LRRTM4: variants seen among roughly 807,000 people sequenced by gnomAD.
LRRTM4 encodes leucine rich repeat transmembrane neuronal 4, also known as leucine-rich repeat transmembrane neuronal protein 4.
LRRTM4 carries 25 observed loss-of-function variants against 47.6 expected under a neutral mutation model. The ratio of observed to expected loss-of-function variants is 0.53; its 90% CI spans 0.38 to 0.73. The LOEUF is 0.73. Ranked by LOEUF, LRRTM4 falls within the 30% of genes least tolerant of loss-of-function variation. The probability of loss-of-function intolerance (pLI) is 0.00; values close to 1 mark genes in which losing one functional copy is unlikely to be tolerated. For missense variants in LRRTM4, 638 were observed against 713.4 expected, an observed-to-expected ratio of 0.89 and a Z score of 1.20; for synonymous variants, 311 against 269.5, an observed-to-expected ratio of 1.15 and a Z score of -1.51.
At chr2:76,924,318 CTTT>C (rs1674522839) in intron 3 of LRRTM4, among the ~76,000 whole-genome samples, 1 of 152,024 alleles carries the variant, frequency 6.6e-6, no homozygotes, top group African/African-American at 2.4e-5. Flanking sequence ...CAACTCTTCT[CTTT>C]TTGTTCTTTA....
chr2:77,110,246 T>G (rs1227417252), intron 3 of LRRTM4, among the ~76,000 whole-genome samples: 1 of 152,200 alleles, frequency 6.6e-6, no homozygotes, highest in Non-Finnish European at 1.5e-5. Flanking sequence ...ACAACTGGAC[T>G]ATTTAAAATA....
rs367656429 is a variant in LRRTM4, at chr2:77,480,622, A to T, written c.1551+37696T>A. ...TGCTTACTCCACACTGCCACTATTA[A>T]TAAAGCAGGCATATTAAGCACTACC... On this transcript the variant is annotated intron_variant, in intron 3 of 3. Coordinates refer to ENST00000409884, the MANE Select transcript of LRRTM4 (RefSeq NM_001134745.3). Among the ~76,000 whole-genome samples the T allele has an allele frequency of 6.8e-4, 103 of 152,260 alleles. 3 individuals carry two copies. In the South Asian group the frequency reaches 0.02, roughly 29 times the overall value.
At chr2:77,447,006 C>T (rs1352354917) in intron 3 of LRRTM4, among the ~76,000 whole-genome samples, 1 of 71,262 alleles carries the variant, frequency 1.4e-5, no homozygotes, top group Non-Finnish European at 2.8e-5. Context: ...AAGGTGGAGG[C>T]AGTAGAAAAA....
Position 76,995,358 on chromosome 2 carries a change from T to C in LRRTM4, c.1552-246442A>G, listed in dbSNP as rs183387290. Among the ~76,000 whole-genome samples, 22 of 152,186 alleles carry C rather than the reference T, an allele frequency of 1.4e-4. No individual in the cohort carries two copies. The East Asian group carries it at 3.7e-3, about 25-fold the overall frequency. ...TTGTGAATTCTGGTCAAGATATTGC[T>C]GTAACTATATGTGGAATTCCTCTCC... is the stretch of plus-strand genomic sequence containing the variant. On this transcript the variant is annotated intron_variant, in intron 3 of 3. Transcript: ENST00000409884.
At chr2:77,460,637 TA>T (rs1310667236) in intron 3 of LRRTM4, among the ~76,000 whole-genome samples, 5 of 152,186 alleles carry the variant, frequency 3.3e-5, no homozygotes, top group Non-Finnish European at 5.9e-5. Flanking sequence ...GATTATGAAG[TA>T]ATTTTTTTGA....
chr2:77,428,015 A>G (rs1675192185), intron 3 of LRRTM4, among the ~76,000 whole-genome samples: 1 of 152,176 alleles, frequency 6.6e-6, no homozygotes, highest in Non-Finnish European at 1.5e-5. Context: ...AGTTACTCCC[A>G]TGCTACTGTT....
At chr2:76,933,614 AATAAC>A (rs1246013310) in intron 3 of LRRTM4, among the ~76,000 whole-genome samples, 5 of 152,132 alleles carry the variant, frequency 3.3e-5, no homozygotes, top group South Asian at 2.1e-4. Flanking sequence ...GTTTTGAAAA[AATAAC>A]ATAACAGGGT....
intron 3 of LRRTM4, among the ~76,000 whole-genome samples, chr2:76,807,445 C>CACATATAT (rs1670540815): frequency 2.2e-4 from 15 of 69,282 alleles, no homozygotes; most frequent in South Asian, 5.3e-4. Flanking sequence ...TACGTATATA[C>CACATATAT]ATATATATAT....
intron 3 of LRRTM4, among the ~76,000 whole-genome samples, chr2:76,903,088 C>G (rs1673697578): frequency 1.3e-5 from 2 of 152,094 alleles, no homozygotes; most frequent in African/African-American, 4.8e-5. Flanking sequence ...ACTACAAAAA[C>G]TGGCCTGGCA....
chr2:76,875,470 G>A (rs1441694688), intron 3 of LRRTM4, among the ~76,000 whole-genome samples: 4 of 152,072 alleles, frequency 2.6e-5, no homozygotes, highest in African/African-American at 7.2e-5. Context: ...GCTCATATGT[G>A]ACATAAGGTT....
At chr2:77,462,152 T>C (rs1676813745) in intron 3 of LRRTM4, among the ~76,000 whole-genome samples, 1 of 152,126 alleles carries the variant, frequency 6.6e-6, no homozygotes, top group South Asian at 2.1e-4. Flanking sequence ...AAAACTCTTA[T>C]TATGCCCTAT....
chr2:76,962,258 C>G lies in LRRTM4; in HGVS notation c.1552-213342G>C, dbSNP rs566621560. Among the ~76,000 whole-genome samples, 6 of 151,240 alleles carry G rather than the reference C, an allele frequency of 4.0e-5. No individual in the cohort carries two copies. In the South Asian group the frequency reaches 1.0e-3, roughly 26 times the overall value. ...GAGAAGACAGTTTTGTACAAAACAG[C>G]ATGTACAAGATTAGACACATACAAA... On this transcript the variant is annotated intron_variant, in intron 3 of 3. Transcript: ENST00000409884.
chr2:77,436,498 A>G (rs981096829), intron 3 of LRRTM4, among the ~76,000 whole-genome samples: 1 of 151,916 alleles, frequency 6.6e-6, no homozygotes, highest in African/African-American at 2.4e-5. Context: ...AATAAAAATT[A>G]GAAGTCAGAG....
intron 3 of LRRTM4, among the ~76,000 whole-genome samples, chr2:77,373,086 AAAATATAT>A: frequency 7.7e-6 from 1 of 130,120 alleles, no homozygotes; most frequent in East Asian, 2.3e-4. Flanking sequence ...AATTAAAAAA[AAAATATAT>A]ATATATATAT....
intron 3 of LRRTM4, among the ~76,000 whole-genome samples, chr2:77,363,516 T>C (rs1408005541): frequency 1.3e-5 from 2 of 152,188 alleles, no homozygotes; most frequent in African/African-American, 4.8e-5. Context: ...GTGGTGGTAA[T>C]TTCCCTTATG....
At chr2:76,899,352 CAT>C (rs10588850) in intron 3 of LRRTM4, among the ~76,000 whole-genome samples, 2,109 of 96,482 alleles carry the variant, frequency 0.022, 21 homozygotes, top group African/African-American at 0.058. Flanking sequence ...CACACACACA[CAT>C]ATATATATAT....
intron 3 of LRRTM4, among the ~76,000 whole-genome samples, chr2:77,509,754 C>T (rs1558776407): frequency 6.6e-6 from 1 of 151,982 alleles, no homozygotes; most frequent in African/African-American, 2.4e-5. Context: ...CAACAAGTTA[C>T]TTGGAAAGTT....
intron 3 of LRRTM4, among the ~76,000 whole-genome samples, chr2:77,137,725 G>A (rs1572998683): frequency 6.6e-6 from 1 of 152,060 alleles, no homozygotes. Context: ...GTATTCAGGA[G>A]ACCCATGTCA....
rs182703161 is a variant in LRRTM4 at position 77,378,677 on chromosome 2, G to A, written c.1551+139641C>T. Among the ~76,000 whole-genome samples the A allele has an allele frequency of 9.2e-5, 14 of 152,214 alleles. No homozygotes were observed. The East Asian group carries it at 2.5e-3, about 27-fold the overall frequency. Reference sequence around the variant, plus strand: ...TAACTTCACCTTATGTCCTCCACCAGCCCAAGCTTTGAAGCCAGGCTTACT... The same window carrying A: ...TAACTTCACCTTATGTCCTCCACCAACCCAAGCTTTGAAGCCAGGCTTACT... On this transcript the variant is annotated intron_variant, in intron 3 of 3. Coordinates refer to ENST00000409884, the MANE Select transcript of LRRTM4 (RefSeq NM_001134745.3).
Sources: allele counts gnomAD v4.1 joint callset (sites outside exome capture counted in the v4.1 genomes callset), GRCh38; gene constraint gnomAD v4.1.1; transcripts MANE v1.5; gene names NCBI Gene and HGNC (gene_info 2026-07-23, HGNC 2026-07-21).